The following SEM1 variants were observed in gnomAD, a reference collection of about 807,000 sequenced individuals.
SEM1 encodes the protein SEM1 26S proteasome subunit.
In SEM1, 3 loss-of-function variants were observed where a neutral mutation model predicts 12.7. The ratio of observed to expected loss-of-function variants is 0.24; its 90% CI spans 0.11 to 0.61. The LOEUF is 0.61. Ranked by LOEUF, SEM1 falls within the 20% of genes least tolerant of loss-of-function variation. The pLI is 0.88. For missense variants in SEM1, 59 were observed against 81.3 expected, an observed-to-expected ratio of 0.73 and a Z score of 1.06; for synonymous variants, 30 against 27.8, an observed-to-expected ratio of 1.08 and a Z score of -0.25.
Position 96,593,873 on chromosome 7 carries a change from T to C in SEM1, c.171-87175A>G, listed in dbSNP as rs558478060. On this transcript the variant is annotated intron_variant and NMD_transcript_variant, in intron 2 of 3. Coordinates refer to the SEM1 transcript ENST00000466986. Reference sequence around the variant, plus strand: ...ACTACTCTCAACACTTTGGTACTTATAACATCTATGTTGACTATGTAGATA... The same window carrying C: ...ACTACTCTCAACACTTTGGTACTTACAACATCTATGTTGACTATGTAGATA... 3.9e-5 allele frequency among the ~76,000 whole-genome samples: 6 copies of C among 152,238 alleles called. No individual in the cohort carries two copies. The East Asian group carries it at 1.2e-3, about 29-fold the overall frequency.
At chr7:96,605,128 T>A (rs1807306906) in intron 2 of SEM1, among the ~76,000 whole-genome samples, 1 of 152,188 alleles carries the variant, frequency 6.6e-6, no homozygotes, top group South Asian at 2.1e-4. Flanking sequence ...ATGAATTCAT[T>A]AGTTTTAATA....
intron 2 of SEM1, among the ~76,000 whole-genome samples, chr7:96,629,010 G>T (rs1808161739): frequency 6.6e-6 from 1 of 152,196 alleles, no homozygotes; most frequent in Non-Finnish European, 1.5e-5. Flanking sequence ...TCTGCTGCCA[G>T]ACATATGGGA....
In SEM1 at chr7:96,492,759, A is replaced by ATGTG. The variant is rs138520257; in HGVS notation, c.12+3521_12+3524dup. Among the ~76,000 whole-genome samples, 1,396 of 142,964 alleles carry ATGTG rather than the reference A, an allele frequency of 9.8e-3. 20 individuals are homozygous for ATGTG. Among genetic ancestry groups the ATGTG allele is most frequent in the African/African-American group, 0.034 (1,271 of 37,486 alleles). 93.8% of individuals were successfully genotyped at this position (142,964 alleles called of 152,430 possible). ...TCCATTTTAAGGGTGAATAATATTCATGTGTGTGTGTGTGTGTGTGTGTGT... is the reference window on the plus strand; with the variant it reads ...TCCATTTTAAGGGTGAATAATATTCATGTGTGTGTGTGTGTGTGTGTGTGTGTGT... On this transcript the variant is annotated intron_variant, in intron 1 of 3. Transcript: ENST00000356686.
intron 2 of SEM1, chr7:96,637,093 C>T (rs1195924856): frequency 6.6e-6 from 1 of 152,066 alleles, no homozygotes; most frequent in Non-Finnish European, 1.5e-5. Context: ...TGGTTCCCCA[C>T]ATAGTCCTTA....
chr7:96,562,482 G>A (rs1024113232), intron 2 of SEM1, among the ~76,000 whole-genome samples: 9 of 152,090 alleles, frequency 5.9e-5, no homozygotes, highest in Non-Finnish European at 1.3e-4. Context: ...AAGTAAAAAC[G>A]ATATCACCCA....
chr7:96,639,753 C>A (rs187359204), intron 2 of SEM1, among the ~76,000 whole-genome samples: 1 of 151,958 alleles, frequency 6.6e-6, no homozygotes, highest in Admixed American at 6.6e-5. Flanking sequence ...AAAAAAAATT[C>A]TGTTCTGTAA....
chr7:96,691,301 A>G (rs1789926117), intron 2 of SEM1, among the ~76,000 whole-genome samples: 1 of 152,188 alleles, frequency 6.6e-6, no homozygotes. Context: ...CGACATGGAC[A>G]GTTTTTATTT....
chr7:96,655,911 A>G (rs1431238019), intron 2 of SEM1, among the ~76,000 whole-genome samples: 1 of 152,236 alleles, frequency 6.6e-6, no homozygotes, highest in Non-Finnish European at 1.5e-5. Flanking sequence ...TATAATAGTG[A>G]AAAGTGAAAA....
rs865884080 is a variant in SEM1, at chr7:96,554,592, T to G, written c.171-47894A>C. The stretch of plus-strand genomic sequence containing the variant: ...GCTTTTTGATGTGCTGCTGGATTCA[T>G]TTTGCCAGTATTTTATTGAGGATTT... On this transcript the variant is annotated intron_variant and NMD_transcript_variant, in intron 2 of 3. Transcript: ENST00000466986. 1.4e-3 allele frequency among the ~76,000 whole-genome samples: 213 copies of G among 150,574 alleles called. 1 individual carries two copies. Among genetic ancestry groups the G allele is most frequent in the African/African-American group, 4.9e-3 (200 of 40,490 alleles).
chr7:96,662,838 A>C (rs1316252939), intron 2 of SEM1, among the ~76,000 whole-genome samples: 1 of 152,212 alleles, frequency 6.6e-6, no homozygotes, highest in Non-Finnish European at 1.5e-5. Flanking sequence ...AAAGCAAAAA[A>C]GTACAAAAAA....
chr7:96,529,392 T>C (rs868217724), intron 2 of SEM1, among the ~76,000 whole-genome samples: 29 of 152,316 alleles, frequency 1.9e-4, no homozygotes, highest in South Asian at 1.4e-3. Context: ...CTACTTCCAC[T>C]AATAACACCA....
intron 2 of SEM1, among the ~76,000 whole-genome samples, chr7:96,513,583 T>A (rs1584726742): frequency 6.6e-6 from 1 of 151,982 alleles, no homozygotes; most frequent in African/African-American, 2.4e-5. Flanking sequence ...AATCCCAGCA[T>A]TTTAGGAGGC....
At chr7:96,541,450 T>TTG (rs1563052854) in intron 2 of SEM1, among the ~76,000 whole-genome samples, 1 of 148,856 alleles carries the variant, frequency 6.7e-6, no homozygotes, top group African/African-American at 2.4e-5. Flanking sequence ...TTTGTTTTTT[T>TTG]TTTTTTTTTG....
intron 2 of SEM1, among the ~76,000 whole-genome samples, chr7:96,652,470 TCAC>T: frequency 6.6e-6 from 1 of 151,952 alleles, no homozygotes. Context: ...AGAAAAATAA[TCAC>T]CAACACAAAA....
intron 2 of SEM1, among the ~76,000 whole-genome samples, chr7:96,508,235 T>C (rs1803816474): frequency 6.6e-6 from 1 of 152,090 alleles, no homozygotes; most frequent in South Asian, 2.1e-4. Context: ...GGAATCAATA[T>C]TCTCTGTAAG....
At chr7:96,590,543 G>A (rs1157093887) in intron 2 of SEM1, among the ~76,000 whole-genome samples, 1 of 152,192 alleles carries the variant, frequency 6.6e-6, no homozygotes, top group African/African-American at 2.4e-5. Flanking sequence ...TGAAACTGCA[G>A]GATTCTTTAG....
chr7:96,637,991 C>T (rs1039303443), intron 2 of SEM1, among the ~76,000 whole-genome samples: 5 of 152,036 alleles, frequency 3.3e-5, no homozygotes, highest in Non-Finnish European at 7.4e-5. Context: ...AACCCTGTCA[C>T]AGAGCTAATG....
intron 2 of SEM1, among the ~76,000 whole-genome samples, chr7:96,693,368 T>C (rs1789985636): frequency 6.6e-6 from 1 of 151,990 alleles, no homozygotes; most frequent in African/African-American, 2.4e-5. Flanking sequence ...CTGGAAAGAC[T>C]AGACATCTAT....
upstream of SEM1, among the ~76,000 whole-genome samples, chr7:96,497,900 T>TA (rs1370068729): frequency 8.5e-5 from 13 of 152,238 alleles, no homozygotes; most frequent in African/African-American, 3.1e-4. Context: ...CTCTATGTGC[T>TA]AAAAATTTTA....
Sources: gnomAD v4.1 joint callset for allele counts (sites outside exome capture counted in the v4.1 genomes callset) on GRCh38, gnomAD v4.1.1 for gene constraint, MANE v1.5 for transcripts, NCBI Gene and HGNC (gene_info 2026-07-23, HGNC 2026-07-21) for gene names.